KLHL1: variants seen among roughly 807,000 people sequenced by gnomAD.
KLHL1 encodes kelch-like protein 1.
KLHL1 carries 47 observed loss-of-function variants against 77.7 expected under a neutral mutation model. That is an observed-to-expected ratio of 0.60 (90% CI 0.48 to 0.77). KLHL1 has a LOEUF of 0.77. Among genes scored for constraint, KLHL1 ranks in the 30% least tolerant of loss-of-function variants. The pLI is 0.00. For synonymous variants in KLHL1, 360 were observed against 325.2 expected (o/e 1.11, Z -1.15); for missense variants, 925 against 910.8 (o/e 1.02, Z -0.20).
chr13:69,893,900 T>C (rs924867395), intron 4 of KLHL1, among the ~76,000 whole-genome samples: 2 of 152,188 alleles, frequency 1.3e-5, no homozygotes, highest in Non-Finnish European at 2.9e-5. Flanking sequence ...TGGAGCATAG[T>C]GACCAACAGA....
chr13:69,948,269 G>A (rs902968269), intron 3 of KLHL1, among the ~76,000 whole-genome samples: 4 of 152,012 alleles, frequency 2.6e-5, no homozygotes, highest in East Asian at 1.9e-4. Context: ...AGGAAAGCAC[G>A]TAGCAGAAGA....
At chr13:69,858,743 T>A (rs780806617) in intron 5 of KLHL1, among the ~76,000 whole-genome samples, 31 of 152,092 alleles carry the variant, frequency 2.0e-4, no homozygotes, top group Non-Finnish European at 4.0e-4. Flanking sequence ...ATAGGTGATA[T>A]GTGATAAACA....
intron 1 of KLHL1, among the ~76,000 whole-genome samples, chr13:70,008,851 A>G (rs889053362): frequency 2.0e-5 from 3 of 152,132 alleles, no homozygotes; most frequent in African/African-American, 7.2e-5. Context: ...ATTTTCATTG[A>G]TTTAGAAAGT....
intron 1 of KLHL1, among the ~76,000 whole-genome samples, chr13:70,041,119 C>T (rs888945147): frequency 3.9e-5 from 6 of 152,002 alleles, no homozygotes; most frequent in African/African-American, 1.4e-4. Flanking sequence ...TATACCTTTG[C>T]TCATTTTAAA....
chr13:69,764,891 C>CCTT (rs1875200752), intron 7 of KLHL1, among the ~76,000 whole-genome samples: 1 of 137,284 alleles, frequency 7.3e-6, no homozygotes, highest in African/African-American at 2.7e-5. Flanking sequence ...TTAGAAGTTA[C>CCTT]CTTTTCTCCT....
intron 1 of KLHL1, among the ~76,000 whole-genome samples, chr13:70,014,713 G>A (rs1462277983): frequency 6.6e-6 from 1 of 152,056 alleles, no homozygotes; most frequent in African/African-American, 2.4e-5. Flanking sequence ...TTATAATAAT[G>A]TAGTATATGA....
intron 5 of KLHL1, among the ~76,000 whole-genome samples, chr13:69,867,078 G>A (rs1049593270): frequency 7.2e-5 from 11 of 151,944 alleles, no homozygotes; most frequent in Admixed American, 3.3e-4. Flanking sequence ...TTTGAATTTT[G>A]GGAAAACTGT....
chr13:69,994,155 G>A (rs538317529), intron 1 of KLHL1, among the ~76,000 whole-genome samples: 39 of 152,064 alleles, frequency 2.6e-4, no homozygotes, highest in Non-Finnish European at 2.6e-4. Context: ...TAGTAGCATC[G>A]GGACAAGCAT....
intron 6 of KLHL1, among the ~76,000 whole-genome samples, chr13:69,813,513 T>C (rs1322067079): frequency 6.7e-6 from 1 of 149,440 alleles, no homozygotes; most frequent in Non-Finnish European, 1.5e-5. Flanking sequence ...CATATATATA[T>C]ATATAAAGAC....
In KLHL1 at chr13:69,882,410, A is replaced by G. The variant is rs1431993571; in HGVS notation, c.1100T>C (p.Val367Ala). The G allele has an allele frequency of 6.2e-7, 1 of 1,613,794 alleles. No homozygotes were observed. The highest frequency in any genetic ancestry group is 1.1e-5 in the South Asian group (1 of 91,080). Residue 367 changes from valine to alanine, a missense_variant, in exon 5 of 11, where the codon GTC (valine) becomes GCC (alanine). Val to Ala is a moderately conservative substitution (Grantham distance 64). Coordinates refer to ENST00000377844, the MANE Select transcript of KLHL1 (RefSeq NM_020866.3). ...GATGGTTTCTTCATCAGGAACATTG[A>G]CATCATCACTGGCCAGTAGTTTATG... ...ELHKLLASDDVNVPDEETIFH... is the reference protein window; with the variant it reads ...ELHKLLASDDANVPDEETIFH...
chr13:69,947,937 C>G (rs1883581988), intron 3 of KLHL1, among the ~76,000 whole-genome samples: 1 of 152,032 alleles, frequency 6.6e-6, no homozygotes, highest in Admixed American at 6.6e-5. Context: ...GATTTCAAGG[C>G]ATAACGTTCT....
intron 4 of KLHL1, among the ~76,000 whole-genome samples, chr13:69,903,408 G>T (rs1272261222): frequency 6.6e-6 from 1 of 152,004 alleles, no homozygotes; most frequent in Non-Finnish European, 1.5e-5. Context: ...AGCTGTGGTG[G>T]CCAGTCAGCA....
At chr13:69,741,183 A>G (rs943706855) in intron 7 of KLHL1, among the ~76,000 whole-genome samples, 2 of 152,186 alleles carry the variant, frequency 1.3e-5, no homozygotes, top group Non-Finnish European at 2.9e-5. Flanking sequence ...TACAATTAAT[A>G]GAGAGCCATC....
intron 7 of KLHL1, among the ~76,000 whole-genome samples, chr13:69,753,182 G>T (rs1874561556): frequency 6.6e-6 from 1 of 152,050 alleles, no homozygotes; most frequent in Non-Finnish European, 1.5e-5. Context: ...AGTGTTTACT[G>T]TAATAAGTCT....
intron 8 of KLHL1, among the ~76,000 whole-genome samples, chr13:69,737,653 C>G (rs569930764): frequency 1.1e-4 from 16 of 152,304 alleles, no homozygotes; most frequent in Non-Finnish European, 1.3e-4. Context: ...TAAGCAGGAC[C>G]CTGATCCACT....
intron 1 of KLHL1, among the ~76,000 whole-genome samples, chr13:70,089,865 T>C (rs1887632956): frequency 6.6e-6 from 1 of 152,094 alleles, no homozygotes; most frequent in African/African-American, 2.4e-5. Flanking sequence ...ACTCTAGGGT[T>C]GGTGGAATGG....
intron 6 of KLHL1, among the ~76,000 whole-genome samples, chr13:69,811,774 C>T (rs768956460): frequency 3.9e-5 from 6 of 152,096 alleles, no homozygotes; most frequent in Non-Finnish European, 5.9e-5. Flanking sequence ...TTTATTGAGT[C>T]TATTTGATTC....
At chr13:69,922,160 T>C (rs1882662920) in intron 4 of KLHL1, among the ~76,000 whole-genome samples, 1 of 152,120 alleles carries the variant, frequency 6.6e-6, no homozygotes, top group Non-Finnish European at 1.5e-5. Flanking sequence ...TTACCCAGGC[T>C]GGTCTCTAAC....
chr13:70,086,586 AAAAAAAAGAAAGAAAGAAAG>A (rs1887543122), intron 1 of KLHL1, among the ~76,000 whole-genome samples: 4 of 84,938 alleles, frequency 4.7e-5, no homozygotes, highest in Admixed American at 1.4e-4. Flanking sequence ...AAAAAAAAAA[AAAAAAAAGAAAGAAAGAAAG>A]AAAGAAAGAA....
Sources: gnomAD v4.1 joint callset for allele counts (sites outside exome capture counted in the v4.1 genomes callset) on GRCh38, gnomAD v4.1.1 for gene constraint, MANE v1.5 for transcripts, NCBI Gene and HGNC (gene_info 2026-07-23, HGNC 2026-07-21) for gene names.